Variants in ROCK2 observed in about 807,000 individuals in gnomAD.
ROCK2 encodes Rho associated coiled-coil containing protein kinase 2, also known as rho-associated protein kinase 2.
ROCK2 carries 61 observed loss-of-function variants against 195.1 expected under a neutral mutation model. The ratio of observed to expected loss-of-function variants is 0.31; its 90% CI spans 0.25 to 0.39. ROCK2 has a LOEUF of 0.39. Ranked by LOEUF, ROCK2 falls within the 10% of genes least tolerant of loss-of-function variation. The pLI is 1.00. For synonymous variants in ROCK2, 504 were observed against 545.5 expected, an observed-to-expected ratio of 0.92 and a Z score of 1.06; for missense variants, 1,109 against 1,637.4, an observed-to-expected ratio of 0.68 and a Z score of 5.57.
rs34098406 is a variant in ROCK2, at chr2:11,190,366, TAAA to T, written c.4163+1779_4163+1781del. The stretch of plus-strand genomic sequence containing the variant: ...TCACAGGGCAAGGCCAGAAGTTTTT[TAAA>T]AAAAAAAAAAAAAGTAACAAAAATC... On this transcript the variant is annotated intron_variant, in intron 32 of 32. Transcript: ENST00000315872. Among the ~76,000 whole-genome samples, 516 of 53,102 alleles carry T rather than the reference TAAA, an allele frequency of 9.7e-3. 2 individuals carry two copies. Among genetic ancestry groups the T allele is most frequent in the East Asian group, 0.014 (16 of 1,160 alleles). The allele number at this position is 53,102 out of a possible 152,430, so 34.8% of individuals were successfully genotyped here. A position where few individuals can be genotyped will look rare whatever the true frequency, so the allele number is the denominator to read the frequency against.
In ROCK2 at chr2:11,344,362, G is replaced by A; in HGVS notation, c.-226C>T. 1 of 1,166,032 alleles carries A rather than the reference G, an allele frequency of 8.6e-7. No homozygotes were observed. The highest frequency in any genetic ancestry group is 1.1e-6 in the Non-Finnish European group (1 of 945,890). 72.2% of individuals were successfully genotyped at this position (1,166,032 alleles called of 1,614,324 possible). Reference sequence around the variant, plus strand: ...GCCCGGCCCGGCCCTGCCGGGAGCGGCGGGGAACAGACGGCGTCCCCGCCC... The same window carrying A: ...GCCCGGCCCGGCCCTGCCGGGAGCGACGGGGAACAGACGGCGTCCCCGCCC... On this transcript the variant is annotated 5_prime_UTR_variant, in exon 1 of 33. Coordinates refer to ENST00000315872, the MANE Select transcript of ROCK2 (RefSeq NM_004850.5). The surrounding 1 kb of genome is among the most constrained non-coding windows in gnomAD (Gnocchi z 5.4).
chr2:11,339,029 A>G (rs888367124), intron 1 of ROCK2, among the ~76,000 whole-genome samples: 2 of 152,202 alleles, frequency 1.3e-5, no homozygotes, highest in African/African-American at 4.8e-5. Flanking sequence ...GTATTTTTAC[A>G]AGAATTTGCA....
chr2:11,247,820 G>T (rs908516920), intron 4 of ROCK2, among the ~76,000 whole-genome samples: 12 of 152,208 alleles, frequency 7.9e-5, no homozygotes, highest in Non-Finnish European at 1.3e-4. Flanking sequence ...AGGAGTTCGA[G>T]ACCAGCCTGG....
intron 1 of ROCK2, among the ~76,000 whole-genome samples, chr2:11,319,184 T>TTAC (rs1371805048): frequency 6.6e-6 from 1 of 152,174 alleles, no homozygotes; most frequent in African/African-American, 2.4e-5. Flanking sequence ...AATGTATAAA[T>TTAC]TACCTTGGGC....
rs1454241950 is a variant in ROCK2, at chr2:11,215,030, C to T, written c.1746G>A (p.Arg582=). The T allele has an allele frequency of 3.7e-6, 6 of 1,613,938 alleles. No homozygotes were observed. In the African/African-American group the frequency reaches 4.0e-5, roughly 11 times the overall value. ...GTTTTGAACTTTCTGCCTGGGTTTT[C>T]CTTAACCGGGCTGCAGTATCAGACT... ...RTESDTAARL[R]KTQAESSKQI... Residue 582 remains arginine (R), a synonymous_variant, in exon 16 of 33, where the codon AGG becomes AGA. Coordinates refer to ENST00000315872, the MANE Select transcript of ROCK2 (RefSeq NM_004850.5).
intron 3 of ROCK2, among the ~76,000 whole-genome samples, chr2:11,281,635 G>T (rs1006684335): frequency 6.6e-6 from 1 of 152,066 alleles, no homozygotes; most frequent in Non-Finnish European, 1.5e-5. Flanking sequence ...CTCTATATGA[G>T]CAATGAAAAA....
At chr2:11,278,970 C>A (rs1359516630) in intron 3 of ROCK2, among the ~76,000 whole-genome samples, 6 of 146,882 alleles carry the variant, frequency 4.1e-5, no homozygotes, top group Admixed American at 6.8e-5. Flanking sequence ...AACTCTAGGG[C>A]AAACACTAAA....
At position 11,308,096 on chromosome 2, in the gene ROCK2, T is replaced by C. The variant is rs561825867; in HGVS notation, c.142-20360A>G. The C allele has an allele frequency of 1.3e-5, 21 of 1,610,972 alleles. No individual in the cohort carries two copies. The South Asian group carries it at 1.5e-4, about 12-fold the overall frequency. ...TTAGGAGAGGCGCCGACTGCGACTC[T>C]TGGGGCCAGCTGGTGGAGGCGATAG... On this transcript the variant is annotated intron_variant, in intron 1 of 32. Coordinates refer to ENST00000315872, the MANE Select transcript of ROCK2 (RefSeq NM_004850.5).
intron 23 of ROCK2, among the ~76,000 whole-genome samples, chr2:11,199,563 T>C (rs979259603): frequency 6.6e-6 from 1 of 151,546 alleles, no homozygotes; most frequent in Non-Finnish European, 1.5e-5. Flanking sequence ...CTCCTGGAGC[T>C]CAAGCAATAC....
chr2:11,272,328 CAATTAT>C (rs1368062494), intron 3 of ROCK2, among the ~76,000 whole-genome samples: 1 of 152,140 alleles, frequency 6.6e-6, no homozygotes, highest in African/African-American at 2.4e-5. Flanking sequence ...AATACACACA[CAATTAT>C]AAAGTCCAGT....
intron 29 of ROCK2, 48 bp from the exon 30 acceptor site, chr2:11,193,905 A>G (rs1481635797): frequency 9.8e-7 from 1 of 1,019,266 alleles, no homozygotes. Flanking sequence ...CAAGGATCAA[A>G]TTATATATTA....
intron 9 of ROCK2, among the ~76,000 whole-genome samples, chr2:11,220,565 G>GTC (rs1664602363): frequency 6.6e-6 from 1 of 152,170 alleles, no homozygotes; most frequent in Non-Finnish European, 1.5e-5. Context: ...AAACCACATA[G>GTC]TCTCATCGAG....
chr2:11,268,067 C>T (rs1666482179), intron 3 of ROCK2, among the ~76,000 whole-genome samples: 1 of 152,000 alleles, frequency 6.6e-6, no homozygotes, highest in Admixed American at 6.6e-5. Context: ...AACAGTGCTT[C>T]CGGGATCCAA....
chr2:11,318,230 C>T (rs1668287307), intron 1 of ROCK2, among the ~76,000 whole-genome samples: 1 of 152,174 alleles, frequency 6.6e-6, no homozygotes, highest in Admixed American at 6.5e-5. Context: ...GTCCCACCAA[C>T]AGTGTAAAAG....
intron 32 of ROCK2, among the ~76,000 whole-genome samples, chr2:11,191,564 A>C (rs1251891519): frequency 6.6e-6 from 1 of 152,196 alleles, no homozygotes; most frequent in Non-Finnish European, 1.5e-5. Flanking sequence ...AAAGCTTATA[A>C]TATGAAACAC....
At chr2:11,309,215 T>C (rs936464063) in intron 1 of ROCK2, among the ~76,000 whole-genome samples, 13 of 151,978 alleles carry the variant, frequency 8.6e-5, no homozygotes, top group African/African-American at 3.1e-4. Context: ...AGTATTTACA[T>C]TGTATTAGGC....
rs1353890768 is a variant in ROCK2, at chr2:11,197,447, A to T, written c.3279+79T>A. 15 of 1,536,602 alleles carry T rather than the reference A, an allele frequency of 9.8e-6. No individual in the cohort carries two copies. Among genetic ancestry groups the T allele is most frequent in the African/African-American group, 2.8e-5 (2 of 72,586 alleles). ...AATTATTAAATAGAAATGGTCTATAACCAGTAAAACACAGACATGAAAATA... is the reference window on the plus strand; with the variant it reads ...AATTATTAAATAGAAATGGTCTATATCCAGTAAAACACAGACATGAAAATA... On this transcript the variant is annotated intron_variant, in intron 26 of 32. Coordinates refer to ENST00000315872, the MANE Select transcript of ROCK2 (RefSeq NM_004850.5). This position sits in a 1 kb window ranked among gnomAD's most constrained non-coding sequence, Gnocchi z 4.9.
intron 1 of ROCK2, among the ~76,000 whole-genome samples, chr2:11,335,182 A>T (rs997152012): frequency 4.6e-5 from 7 of 152,024 alleles, no homozygotes; most frequent in Non-Finnish European, 8.8e-5. Flanking sequence ...GCGGGGAATG[A>T]GAGAAATGCT....
At chr2:11,283,390 C>T (rs1667077284) in intron 3 of ROCK2, among the ~76,000 whole-genome samples, 1 of 150,340 alleles carries the variant, frequency 6.7e-6, no homozygotes, top group Non-Finnish European at 1.5e-5. Context: ...GAAACCCCGT[C>T]TCTACTAAAA....
Sources: gnomAD v4.1 joint callset for allele counts (sites outside exome capture counted in the v4.1 genomes callset) on GRCh38, gnomAD v4.1.1 for gene constraint, Gnocchi (gnomAD v3.1) non-coding constraint, MANE v1.5 for transcripts, NCBI Gene and HGNC (gene_info 2026-07-23, HGNC 2026-07-21) for gene names.